The following VAC14 variants were observed in gnomAD, a reference collection of about 807,000 sequenced individuals.
VAC14 encodes the protein protein VAC14 homolog.
Under a neutral mutation model 85.3 loss-of-function variants are expected in VAC14, and 47 were observed. The ratio of observed to expected loss-of-function variants is 0.55; its 90% CI spans 0.44 to 0.70. VAC14 has a LOEUF of 0.70. Among genes scored for constraint, VAC14 ranks in the 30% least tolerant of loss-of-function variants. The probability of loss-of-function intolerance (pLI) is 0.00; values close to 1 mark genes in which losing one functional copy is unlikely to be tolerated. For synonymous variants in VAC14, 447 were observed against 430.5 expected (o/e 1.04, Z -0.47); for missense variants, 861 against 1,004.3 (o/e 0.86, Z 1.93).
rs761602916 is a variant in VAC14 at position 70,762,392 on chromosome 16, G to A, written c.1371+148C>T. ...CAGAGTGCTGGAAAAACAGGTGTGA[G>A]CCACTGCACCTGGCCCCAAAGTGAG... On this transcript the variant is annotated intron_variant, in intron 12 of 18. Transcript: ENST00000261776. The surrounding 1 kb of genome is among the most constrained non-coding windows in gnomAD (Gnocchi z 4.1). The A allele has an allele frequency of 1.7e-5, 14 of 811,734 alleles. No homozygotes were observed. The highest frequency in any genetic ancestry group is 2.6e-5 in the Non-Finnish European group (13 of 496,568). 50.3% of individuals were successfully genotyped at this position (811,734 alleles called of 1,614,324 possible).
intron 12 of VAC14, among the ~76,000 whole-genome samples, chr16:70,750,956 C>T (rs984437942): frequency 9.2e-5 from 14 of 152,302 alleles, no homozygotes; most frequent in African/African-American, 2.9e-4. Flanking sequence ...CTCGTTCTCA[C>T]CTCCCACCAA....
intron 13 of VAC14, among the ~76,000 whole-genome samples, chr16:70,733,369 T>A (rs1289955761): frequency 6.6e-6 from 1 of 152,212 alleles, no homozygotes; most frequent in Non-Finnish European, 1.5e-5. Context: ...CTATTCTATA[T>A]TTTGTTTGTC....
intron 13 of VAC14, among the ~76,000 whole-genome samples, chr16:70,740,678 G>C (rs952483560): frequency 6.6e-6 from 1 of 152,190 alleles, no homozygotes; most frequent in Admixed American, 6.5e-5. Context: ...AGACAGGAAA[G>C]TGTGGTGTCC....
intron 1 of VAC14, among the ~76,000 whole-genome samples, chr16:70,796,915 T>C (rs534430290): frequency 4.6e-5 from 7 of 152,176 alleles, no homozygotes; most frequent in Admixed American, 2.6e-4. Flanking sequence ...CTTGATTCCA[T>C]AGGATCAGTG....
intron 14 of VAC14, among the ~76,000 whole-genome samples, chr16:70,708,205 C>A (rs1193622762): frequency 6.6e-6 from 1 of 152,250 alleles, no homozygotes; most frequent in African/African-American, 2.4e-5. Flanking sequence ...TCCTGCCTCA[C>A]CTGCTGCTAG....
intron 12 of VAC14, among the ~76,000 whole-genome samples, chr16:70,757,238 C>T (rs1013033938): frequency 2.0e-5 from 3 of 152,214 alleles, no homozygotes; most frequent in South Asian, 2.1e-4. Context: ...CTTGCCTTCT[C>T]GATCTCAAAG....
chr16:70,771,818 C>T (rs1461548125), intron 10 of VAC14: 7 of 330,958 alleles, frequency 2.1e-5, no homozygotes, highest in East Asian at 1.1e-4. Context: ...TGAGCTCAAG[C>T]GATGTGCCTG....
intron 14 of VAC14, among the ~76,000 whole-genome samples, chr16:70,705,721 T>C (rs769545902): frequency 3.9e-5 from 6 of 152,150 alleles, no homozygotes; most frequent in Non-Finnish European, 8.8e-5. Flanking sequence ...CCCGCAACGC[T>C]GCCCTCCCCA....
chr16:70,744,007 G>A (rs1014942409), intron 13 of VAC14, among the ~76,000 whole-genome samples: 3 of 151,872 alleles, frequency 2.0e-5, no homozygotes, highest in Admixed American at 6.6e-5. Context: ...TGCCTGCCAC[G>A]TGCAGTGCTA....
At chr16:70,707,794 C>T (rs2053949483) in intron 14 of VAC14, among the ~76,000 whole-genome samples, 1 of 151,428 alleles carries the variant, frequency 6.6e-6, no homozygotes, top group Non-Finnish European at 1.5e-5. Flanking sequence ...CTGGCTTGGC[C>T]TTTTTTCTTT....
chr16:70,714,002 G>C (rs916456310), intron 14 of VAC14: 13 of 152,210 alleles, frequency 8.5e-5, no homozygotes, highest in Admixed American at 2.0e-4. Flanking sequence ...GACCCTCCAG[G>C]AGCGGTAACT....
At chr16:70,774,644 T>G (rs920739848) in intron 9 of VAC14, among the ~76,000 whole-genome samples, 1 of 152,056 alleles carries the variant, frequency 6.6e-6, no homozygotes, top group African/African-American at 2.4e-5. Flanking sequence ...ACTGTGGAAT[T>G]TGCCTGATGG....
In VAC14 at chr16:70,730,228, G is replaced by A. The variant is rs542679727; in HGVS notation, c.1661+1267C>T. On this transcript the variant is annotated intron_variant, in intron 14 of 18. Coordinates refer to ENST00000261776, the MANE Select transcript of VAC14 (RefSeq NM_018052.5). ...CTGCTTGGACAACAGCCTCCCAGCT[G>A]GCTCCACCTCAGCCCCTCCAACCCA... Among the ~76,000 whole-genome samples the A allele has an allele frequency of 9.2e-5, 14 of 151,964 alleles. No individual in the cohort carries two copies. The East Asian group carries it at 1.7e-3, about 19-fold the overall frequency.
intron 15 of VAC14, among the ~76,000 whole-genome samples, chr16:70,698,416 C>T (rs371843898): frequency 1.3e-5 from 2 of 152,146 alleles, no homozygotes; most frequent in South Asian, 2.1e-4. Context: ...GACCCTCCTG[C>T]GGGCAGAGAC....
chr16:70,717,222 T>C (rs979614218), intron 14 of VAC14, among the ~76,000 whole-genome samples: 1 of 152,172 alleles, frequency 6.6e-6, no homozygotes, highest in Non-Finnish European at 1.5e-5. Flanking sequence ...CCATGGGACA[T>C]GAGCCCAGGA....
chr16:70,748,797 A>T (rs544705769), intron 12 of VAC14, among the ~76,000 whole-genome samples: 1 of 152,170 alleles, frequency 6.6e-6, no homozygotes, highest in Non-Finnish European at 1.5e-5. Flanking sequence ...AAATACAAAA[A>T]TTAGTTGGTA....
chr16:70,705,870 C>G (rs189708196), intron 14 of VAC14, among the ~76,000 whole-genome samples: 102 of 152,340 alleles, frequency 6.7e-4, no homozygotes, highest in Admixed American at 3.9e-3. Flanking sequence ...CCCAGTGGAG[C>G]CTTGTTGGTG....
chr16:70,749,799 C>T (rs533142665), intron 12 of VAC14, among the ~76,000 whole-genome samples: 1 of 152,346 alleles, frequency 6.6e-6, no homozygotes, highest in African/African-American at 2.4e-5. Flanking sequence ...GCAAACCTGA[C>T]TCAGCCCAGG....
At chr16:70,690,082 G>T in intron 18 of VAC14, 1 of 985,544 alleles carries the variant, frequency 1.0e-6, no homozygotes, top group African/African-American at 1.7e-5. Flanking sequence ...TTAGAGAGAT[G>T]CTCTCAGCAC....
Sources: gnomAD v4.1 joint callset for allele counts (sites outside exome capture counted in the v4.1 genomes callset) on GRCh38, gnomAD v4.1.1 for gene constraint, Gnocchi (gnomAD v3.1) non-coding constraint, MANE v1.5 for transcripts, NCBI Gene and HGNC (gene_info 2026-07-23, HGNC 2026-07-21) for gene names.